DOK5: variants seen among roughly 807,000 people sequenced by gnomAD.
The protein encoded by DOK5 is downstream of tyrosine kinase 5.
DOK5 carries 27 observed loss-of-function variants against 43.3 expected under a neutral mutation model. The ratio of observed to expected loss-of-function variants is 0.62; its 90% CI spans 0.46 to 0.86. DOK5 has a LOEUF of 0.86. DOK5 is among the 40% of genes least tolerant of loss of function. The pLI is 0.00. For synonymous variants in DOK5, 146 were observed against 140.1 expected (o/e 1.04, Z -0.30); for missense variants, 373 against 392.9 (o/e 0.95, Z 0.43).
intron 1 of DOK5, among the ~76,000 whole-genome samples, chr20:54,543,316 C>A (rs368441154): frequency 9.7e-5 from 6 of 61,976 alleles, no homozygotes; most frequent in Non-Finnish European, 8.8e-5. Context: ...AATCTAGCTT[C>A]GTGGACAGTG....
intron 7 of DOK5, among the ~76,000 whole-genome samples, chr20:54,648,442 C>A (rs2146837386): frequency 6.6e-6 from 1 of 152,282 alleles, no homozygotes; most frequent in Admixed American, 6.5e-5. Context: ...TGAGAAGATG[C>A]TGACAAAGGG....
At chr20:54,638,174 C>T (rs1250970465) in intron 6 of DOK5, among the ~76,000 whole-genome samples, 1 of 150,488 alleles carries the variant, frequency 6.6e-6, no homozygotes, top group Non-Finnish European at 1.5e-5. Context: ...TGGTCTAGAG[C>T]AGAAGGAAGG....
chr20:54,648,979 A>G (rs953892982), intron 7 of DOK5, among the ~76,000 whole-genome samples: 1 of 152,206 alleles, frequency 6.6e-6, no homozygotes, highest in African/African-American at 2.4e-5. Context: ...CTTGGAAGAT[A>G]GCATCACTGT....
intron 2 of DOK5, among the ~76,000 whole-genome samples, chr20:54,587,474 T>C (rs528087536): frequency 6.6e-6 from 1 of 152,284 alleles, no homozygotes; most frequent in South Asian, 2.1e-4. Flanking sequence ...AGTGGATTCT[T>C]TTGTATAACA....
chr20:54,585,827 C>G (rs1206572391), intron 2 of DOK5, among the ~76,000 whole-genome samples: 1 of 152,172 alleles, frequency 6.6e-6, no homozygotes, highest in African/African-American at 2.4e-5. Flanking sequence ...GAGATAGTCT[C>G]TATAAAAATG....
chr20:54,502,433 C>T (rs1982644775), intron 1 of DOK5, among the ~76,000 whole-genome samples: 2 of 152,042 alleles, frequency 1.3e-5, no homozygotes, highest in African/African-American at 4.8e-5. Flanking sequence ...TATAGCAACA[C>T]TATTAAAAAT....
chr20:54,499,190 C>T (rs941585822), intron 1 of DOK5, among the ~76,000 whole-genome samples: 1 of 152,170 alleles, frequency 6.6e-6, no homozygotes, highest in Admixed American at 6.5e-5. Flanking sequence ...TGCTGTTACT[C>T]CCTTGGGAGA....
intron 6 of DOK5, among the ~76,000 whole-genome samples, chr20:54,610,783 T>A (rs1986623443): frequency 6.6e-6 from 1 of 152,234 alleles, no homozygotes; most frequent in South Asian, 2.1e-4. Flanking sequence ...TGTACAGACA[T>A]CTATAGACAC....
intron 1 of DOK5, among the ~76,000 whole-genome samples, chr20:54,550,833 G>A (rs144215749): frequency 1.4e-4 from 21 of 152,116 alleles, no homozygotes; most frequent in African/African-American, 4.3e-4. Context: ...CCAGGTTTCG[G>A]CTATTTTGAA....
chr20:54,605,042 C>T (rs1986427871), intron 5 of DOK5, among the ~76,000 whole-genome samples: 1 of 144,260 alleles, frequency 6.9e-6, no homozygotes, highest in South Asian at 2.1e-4. Flanking sequence ...CACACACACA[C>T]ACACGTATAC....
intron 1 of DOK5, among the ~76,000 whole-genome samples, chr20:54,476,873 C>A: frequency 6.6e-6 from 1 of 152,120 alleles, no homozygotes. Flanking sequence ...CTCCTTGGGA[C>A]TGAATGATGG....
chr20:54,566,661 G>A (rs569631788), intron 2 of DOK5, among the ~76,000 whole-genome samples: 2 of 152,282 alleles, frequency 1.3e-5, no homozygotes, highest in Admixed American at 6.5e-5. Flanking sequence ...CTGTCACCCA[G>A]GCTGGAGTGC....
At chr20:54,588,424 T>A in intron 2 of DOK5, 59 bp from the exon 3 acceptor site, 5 of 1,432,630 alleles carry the variant, frequency 3.5e-6, no homozygotes, top group Non-Finnish European at 4.9e-6. Flanking sequence ...ACCTTTGGTG[T>A]TGTATACTGG....
intron 6 of DOK5, among the ~76,000 whole-genome samples, chr20:54,617,917 G>A (rs979591671): frequency 6.6e-6 from 1 of 152,180 alleles, no homozygotes; most frequent in Non-Finnish European, 1.5e-5. Flanking sequence ...CAATATAGCA[G>A]ATACTTTACT....
In DOK5 at chr20:54,610,542, C is replaced by T. The variant is rs977667122; in HGVS notation, c.735+19C>T. ...CTCGATGGTACGTTTGGAATTTCTT[C>T]CTCGTGTCCCAGTGCCTATCACTGC... On this transcript the variant is annotated intron_variant, in intron 6 of 7. Coordinates refer to ENST00000262593, the MANE Select transcript of DOK5 (RefSeq NM_018431.5). 1 of 1,455,666 alleles carries T rather than the reference C, an allele frequency of 6.9e-7. No individual in the cohort carries two copies. The highest frequency in any genetic ancestry group is 9.1e-7 in the Non-Finnish European group (1 of 1,097,554). The allele number at this position is 1,455,666 out of a possible 1,614,324, so 90.2% of individuals were successfully genotyped here.
At chr20:54,580,481 C>G (rs966624037) in intron 2 of DOK5, among the ~76,000 whole-genome samples, 10 of 152,076 alleles carry the variant, frequency 6.6e-5, no homozygotes, top group African/African-American at 2.4e-4. Context: ...CACAAAGTTT[C>G]CAATGTCTCC....
intron 7 of DOK5, among the ~76,000 whole-genome samples, chr20:54,646,092 C>G (rs1351660944): frequency 6.6e-6 from 1 of 152,004 alleles, no homozygotes; most frequent in South Asian, 2.1e-4. Context: ...CTCACTTAAA[C>G]TTCAAAAATG....
At chr20:54,496,802 G>A (rs114142952) in intron 1 of DOK5, among the ~76,000 whole-genome samples, 3,563 of 149,126 alleles carry the variant, frequency 0.024, 142 homozygotes, top group African/African-American at 0.08. Flanking sequence ...AAATGAACCA[G>A]CATAAATCGA....
chr20:54,588,425 T>C (rs1300327023), intron 2 of DOK5, 58 bp from the exon 3 acceptor site: 1 of 1,444,688 alleles, frequency 6.9e-7, no homozygotes, highest in Non-Finnish European at 9.7e-7. Flanking sequence ...CCTTTGGTGT[T>C]GTATACTGGA....
Sources: gnomAD v4.1 joint callset for allele counts (sites outside exome capture counted in the v4.1 genomes callset) on GRCh38, gnomAD v4.1.1 for gene constraint, MANE v1.5 for transcripts, NCBI Gene and HGNC (gene_info 2026-07-23, HGNC 2026-07-21) for gene names.